IHO1: variants seen among roughly 807,000 people sequenced by gnomAD.
IHO1 encodes interactor of HORMAD1 1.
IHO1 carries 13 observed loss-of-function variants against 31.0 expected under a neutral mutation model. The observed-to-expected ratio is 0.42, with a 90% CI of 0.27 to 0.67. The LOEUF (loss-of-function observed/expected upper bound fraction) is 0.67, where lower values mean the gene tolerates loss of function less well. Among genes scored for constraint, IHO1 ranks in the 30% least tolerant of loss-of-function variants. The pLI, the probability that IHO1 is intolerant of heterozygous loss-of-function variation, is 0.24. For missense variants in IHO1, 599 were observed against 687.5 expected (o/e 0.87, Z 1.44); for synonymous variants, 221 against 248.4 (o/e 0.89, Z 1.04).
chr3:49,233,905 G>A (rs376684780), intron 2 of IHO1, among the ~76,000 whole-genome samples: 2 of 152,110 alleles, frequency 1.3e-5, no homozygotes, highest in Admixed American at 1.3e-4. Context: ...TGAGCAATCC[G>A]TACCTTAAGG....
At chr3:49,254,396 T>C (rs957904139) in intron 6 of IHO1, among the ~76,000 whole-genome samples, 4 of 151,932 alleles carry the variant, frequency 2.6e-5, no homozygotes, top group African/African-American at 9.7e-5. Context: ...TGGGTCCAAG[T>C]GTAAGTATGG....
At chr3:49,191,790 G>A in the IHO1 span, 3 of 1,548,248 alleles carry the variant, frequency 1.9e-6, no homozygotes, top group Non-Finnish European at 2.6e-6. Flanking sequence ...GAAGGGAGCA[G>A]AAAAGGCAAA....
At chr3:49,237,779 TGAA>T (rs1373570306) in intron 3 of IHO1, among the ~76,000 whole-genome samples, 1 of 151,578 alleles carries the variant, frequency 6.6e-6, no homozygotes, top group Non-Finnish European at 1.5e-5. Context: ...ATTATGTCCT[TGAA>T]GAAGAAGGAG....
At position 49,244,665 on chromosome 3, in the gene IHO1, A is replaced by G. The variant is rs141732417; in HGVS notation, c.464A>G (p.Lys155Arg). 227 of 1,613,312 alleles carry G rather than the reference A, an allele frequency of 1.4e-4. No individual in the cohort carries two copies. Among genetic ancestry groups the G allele is most frequent in the Non-Finnish European group, 1.6e-4 (188 of 1,179,370 alleles). ...TCTTAGTTGCAGACGTCTGTGGAAA[A>G]GTCTGAGGACCATCTCAGTTCAAGA... is the stretch of plus-strand genomic sequence containing the variant. The part of the protein sequence containing the change: ...SILRLQTSVE[K>R]SEDHLSSRSQ... The change falls in exon 6 of 8, where the codon AAG (lysine) becomes AGG (arginine). Residue 155 changes from lysine (K) to arginine (R), a missense_variant. Lys to Arg is a conservative substitution (Grantham distance 26). Coordinates refer to ENST00000452691, the MANE Select transcript of IHO1 (RefSeq NM_001135197.2).
intron 6 of IHO1, among the ~76,000 whole-genome samples, chr3:49,253,196 C>T (rs1297178957): frequency 5.9e-5 from 9 of 152,052 alleles, no homozygotes; most frequent in South Asian, 2.1e-4. Flanking sequence ...GAGGCTGAGG[C>T]GGGTGGATCA....
upstream of IHO1, among the ~76,000 whole-genome samples, chr3:49,194,406 C>T: frequency 6.9e-6 from 1 of 145,862 alleles, no homozygotes. Context: ...CGGGCTCACA[C>T]CATTCTCCTG....
chr3:49,251,183 C>T (rs568101295), intron 6 of IHO1, among the ~76,000 whole-genome samples: 16 of 151,698 alleles, frequency 1.1e-4, no homozygotes, highest in East Asian at 3.9e-4. Flanking sequence ...TGCAGTGGTG[C>T]GATCTCAGCT....
At chr3:49,224,593 C>G (rs1044051571) in intron 2 of IHO1, among the ~76,000 whole-genome samples, 4 of 152,184 alleles carry the variant, frequency 2.6e-5, no homozygotes, top group Admixed American at 2.6e-4. Context: ...GCCACTAGTT[C>G]TGCTAACTGG....
At chr3:49,222,776 G>C (rs1041188674) in intron 2 of IHO1, among the ~76,000 whole-genome samples, 6 of 152,102 alleles carry the variant, frequency 3.9e-5, no homozygotes, top group Admixed American at 1.3e-4. Flanking sequence ...GTCCTCCAAT[G>C]GTTCGCAAGT....
Position 49,231,206 on chromosome 3 carries a change from A to G in IHO1, c.57-5342A>G, listed in dbSNP as rs150442994. Among the ~76,000 whole-genome samples the G allele has an allele frequency of 7.5e-3, 1,143 of 152,358 alleles. 17 individuals carry two copies. The highest frequency in any genetic ancestry group is 0.026 in the African/African-American group (1,062 of 41,588). ...ACATGGATATGATCTTGGAAAAATTATTGTCCCTCTCACGAAGGCACAAAT... is the reference window on the plus strand; with the variant it reads ...ACATGGATATGATCTTGGAAAAATTGTTGTCCCTCTCACGAAGGCACAAAT... On this transcript the variant is annotated intron_variant, in intron 2 of 7. Coordinates refer to ENST00000452691, the MANE Select transcript of IHO1 (RefSeq NM_001135197.2).
intron 7 of IHO1, 58 bp downstream of exon 7, chr3:49,255,551 A>C: frequency 1.1e-6 from 1 of 871,144 alleles, no homozygotes; most frequent in Non-Finnish European, 1.7e-6. Context: ...CTAGACCCAG[A>C]GAGAAACTTT....
intron 6 of IHO1, among the ~76,000 whole-genome samples, chr3:49,246,179 CAAA>C (rs71278650): frequency 1.5e-4 from 7 of 47,766 alleles, no homozygotes; most frequent in Non-Finnish European, 1.3e-4. Flanking sequence ...GAGACTCCGT[CAAA>C]AAAAAAAAAA....
intron 2 of IHO1, 145 bp from the exon 3 acceptor site, chr3:49,236,403 T>A: frequency 1.7e-6 from 1 of 576,548 alleles, no homozygotes; most frequent in Non-Finnish European, 3.1e-6. Flanking sequence ...TTGTGTTTCA[T>A]TGTACTGACA....
At chr3:49,235,822 C>CA (rs2046552639) in intron 2 of IHO1, among the ~76,000 whole-genome samples, 1 of 149,572 alleles carries the variant, frequency 6.7e-6, no homozygotes, top group Admixed American at 6.7e-5. Context: ...CCCAGCTACT[C>CA]AGGAGGCTGA....
At chr3:49,201,602 G>A (rs1447468133) in intron 1 of IHO1, among the ~76,000 whole-genome samples, 2 of 151,464 alleles carry the variant, frequency 1.3e-5, no homozygotes, top group Non-Finnish European at 2.9e-5. Flanking sequence ...CAGGCTGGTC[G>A]ACAAAGCGAG....
At chr3:49,246,858 CTTT>C (rs542095883) in intron 6 of IHO1, among the ~76,000 whole-genome samples, 1 of 143,912 alleles carries the variant, frequency 6.9e-6, no homozygotes, top group Admixed American at 7.0e-5. Flanking sequence ...TTTTTCTTTT[CTTT>C]TTTTTTTTTT....
At chr3:49,225,471 AAAAAG>A (rs1162670595) in intron 2 of IHO1, among the ~76,000 whole-genome samples, 1 of 152,198 alleles carries the variant, frequency 6.6e-6, no homozygotes, top group Non-Finnish European at 1.5e-5. Context: ...TCAAAAAAAA[AAAAAG>A]AAAAGTTTTG....
At chr3:49,211,578 G>A (rs1232873813) in intron 1 of IHO1, among the ~76,000 whole-genome samples, 188 bp from the exon 2 acceptor site, 2 of 150,514 alleles carry the variant, frequency 1.3e-5, no homozygotes, top group African/African-American at 2.4e-5. Flanking sequence ...AGCCAAGATC[G>A]AGCCACGGCA....
chr3:49,243,331 G>C (rs557553620), intron 4 of IHO1, among the ~76,000 whole-genome samples: 1 of 151,830 alleles, frequency 6.6e-6, no homozygotes, highest in Non-Finnish European at 1.5e-5. Flanking sequence ...TTTTAGTAGA[G>C]ACGGGGTTTC....
Sources: allele counts gnomAD v4.1 joint callset (sites outside exome capture counted in the v4.1 genomes callset), GRCh38; gene constraint gnomAD v4.1.1; transcripts MANE v1.5; gene names NCBI Gene and HGNC (gene_info 2026-07-23, HGNC 2026-07-21).